Variants in ACOX3 observed in about 807,000 individuals in gnomAD.
The protein encoded by ACOX3 is acyl-CoA oxidase 3, pristanoyl.
A neutral mutation model predicts 81.5 loss-of-function variants in ACOX3; 73 were observed. The ratio of observed to expected loss-of-function variants is 0.90; its 90% CI spans 0.74 to 1.09. ACOX3 has a LOEUF of 1.09. Among genes scored for constraint, ACOX3 ranks in the 50% least tolerant of loss-of-function variants. The pLI, the probability that ACOX3 is intolerant of heterozygous loss-of-function variation, is 0.00. For missense variants in ACOX3, 947 were observed against 928.0 expected, an observed-to-expected ratio of 1.02 and a Z score of -0.27; for synonymous variants, 387 against 375.1, an observed-to-expected ratio of 1.03 and a Z score of -0.37.
chr4:8,440,714 A>G lies in ACOX3; in HGVS notation c.-81T>C, dbSNP rs1042434906. The G allele has an allele frequency of 7.7e-7, 1 of 1,306,690 alleles. No homozygotes were observed. The allele number at this position is 1,306,690 out of a possible 1,614,324, so 80.9% of individuals were successfully genotyped here. On this transcript the variant is annotated 5_prime_UTR_variant, in exon 1 of 18. The change abolishes an upstream ATG in the 5' untranslated region. Coordinates refer to ENST00000356406, the MANE Select transcript of ACOX3 (RefSeq NM_003501.3). ...GCAGGAAAGGATCTCCAGCGGCGCC[A>G]TTCTCATTTCCGGTCCCAGCACCCC...
At chr4:8,372,943 G>A (rs943271425) in intron 16 of ACOX3, among the ~76,000 whole-genome samples, 1 of 152,204 alleles carries the variant, frequency 6.6e-6, no homozygotes, top group Admixed American at 6.5e-5. Context: ...CACTCACACA[G>A]CCGCCTTCCC....
At chr4:8,422,072 C>T (rs574207966) in intron 1 of ACOX3, among the ~76,000 whole-genome samples, 2 of 151,820 alleles carry the variant, frequency 1.3e-5, no homozygotes, top group South Asian at 2.1e-4. Flanking sequence ...ATGGGGGCAA[C>T]GAGCGAACAT....
At chr4:8,364,490 CGTCGTGTCTG>C, downstream of ACOX3, among the ~76,000 whole-genome samples, 2 of 93,866 alleles carry the variant, frequency 2.1e-5, no homozygotes, top group Admixed American at 9.5e-5. This position sits in a 1 kb window ranked among gnomAD's most constrained non-coding sequence, Gnocchi z 5.0. Context: ...CATGAGAACC[CGTCGTGTCTG>C]ACATGGTGAC....
At chr4:8,378,100 T>C (rs1288051596) in intron 14 of ACOX3, among the ~76,000 whole-genome samples, 1 of 152,100 alleles carries the variant, frequency 6.6e-6, no homozygotes, top group Non-Finnish European at 1.5e-5. Flanking sequence ...CCGTAAACCT[T>C]CAGCACAGGA....
intron 1 of ACOX3, among the ~76,000 whole-genome samples, chr4:8,434,446 C>T (rs1724113626): frequency 6.6e-6 from 1 of 152,266 alleles, no homozygotes; most frequent in African/African-American, 2.4e-5. Context: ...CCTTAGGCAG[C>T]TTATGCCTGC....
chr4:8,409,619 G>C (rs1045670539), intron 6 of ACOX3, among the ~76,000 whole-genome samples: 1 of 141,092 alleles, frequency 7.1e-6, no homozygotes, highest in Non-Finnish European at 1.6e-5. Flanking sequence ...CTGTGGGTGG[G>C]GCTGTCTGTG....
At chr4:8,396,305 C>A (rs1719680201) in intron 9 of ACOX3, among the ~76,000 whole-genome samples, 1 of 152,178 alleles carries the variant, frequency 6.6e-6, no homozygotes, top group African/African-American at 2.4e-5. Flanking sequence ...GCGTGCAAGG[C>A]CACTACCCGC....
intron 14 of ACOX3, among the ~76,000 whole-genome samples, chr4:8,378,817 A>G (rs1029382648): frequency 1.1e-4 from 16 of 152,348 alleles, no homozygotes; most frequent in African/African-American, 3.8e-4. Flanking sequence ...TTTAAAAGTT[A>G]ATAGATTTTC....
At chr4:8,360,404 T>C in the ACOX3 span, among the ~76,000 whole-genome samples, 5 of 152,068 alleles carry the variant, frequency 3.3e-5, no homozygotes, top group African/African-American at 1.2e-4. Context: ...TGTAAACATT[T>C]GGTCTAAATT....
At chr4:8,373,496 A>G (rs867179362) in intron 16 of ACOX3, 65 bp downstream of exon 16, 9 of 1,521,128 alleles carry the variant, frequency 5.9e-6, no homozygotes, top group Middle Eastern at 1.8e-4. Context: ...TGCTAAGGGG[A>G]TGCGTGTCGC....
rs1240523649 is a variant in ACOX3 at position 8,394,776 on chromosome 4, G to C, written c.1057-34C>G. On this transcript the variant is annotated intron_variant, in intron 9 of 17. Transcript: ENST00000356406. The surrounding 1 kb of genome is among the most constrained non-coding windows in gnomAD (Gnocchi z 5.9). ...GACAAGACACCTGCGTGAACACATC[G>C]TGGTTCCCATGAAGGGCAGCCCATC... The C allele has an allele frequency of 1.9e-6, 3 of 1,598,036 alleles. No individual in the cohort carries two copies. Among genetic ancestry groups the C allele is most frequent in the Non-Finnish European group, 2.6e-6 (3 of 1,169,618 alleles).
rs950959883 is a variant in ACOX3 at position 8,370,768 on chromosome 4, C to A, written c.1983+140G>T. 1 of 703,806 alleles carries A rather than the reference C, an allele frequency of 1.4e-6. No individual in the cohort carries two copies. The highest frequency in any genetic ancestry group is 2.4e-5 in the Admixed American group (1 of 41,538). 43.6% of individuals were successfully genotyped at this position (703,806 alleles called of 1,614,324 possible). A position where few individuals can be genotyped will look rare whatever the true frequency, so the allele number is the denominator to read the frequency against. On this transcript the variant is annotated intron_variant, in intron 17 of 17. Coordinates refer to ENST00000356406, the MANE Select transcript of ACOX3 (RefSeq NM_003501.3). This position sits in a 1 kb window ranked among gnomAD's most constrained non-coding sequence, Gnocchi z 6.3. ...AGAGTGAGACAGTCCTGACTTGTCCCGGGCCCTCCCCAAGAAGCTCCTCCA... is the reference window on the plus strand; with the variant it reads ...AGAGTGAGACAGTCCTGACTTGTCCAGGGCCCTCCCCAAGAAGCTCCTCCA...
Position 8,366,930 on chromosome 4 carries a change from A to G in ACOX3, c.*31T>C. ...ACGTCTGATTAGTTCCCTTCGTTTC[A>G]TTAGACTTGGCTGAATGTGTGCCAG... On this transcript the variant is annotated 3_prime_UTR_variant, in exon 18 of 18. Coordinates refer to ENST00000356406, the MANE Select transcript of ACOX3 (RefSeq NM_003501.3). 1 of 1,611,882 alleles carries G rather than the reference A, an allele frequency of 6.2e-7. No individual in the cohort carries two copies. Among genetic ancestry groups the G allele is most frequent in the Non-Finnish European group, 8.5e-7 (1 of 1,178,542 alleles).
At chr4:8,408,182 T>C (rs1258572266) in intron 6 of ACOX3, among the ~76,000 whole-genome samples, 1 of 148,676 alleles carries the variant, frequency 6.7e-6, no homozygotes, top group Non-Finnish European at 1.5e-5. Context: ...CAAAAAGGGC[T>C]AAAACCCAAA....
chr4:8,416,339 T>C lies in ACOX3; in HGVS notation c.144+39A>G. 6.2e-7 allele frequency: 1 copy of C among 1,613,572 alleles called. No homozygotes were observed. Among genetic ancestry groups the C allele is most frequent in the Non-Finnish European group, 8.5e-7 (1 of 1,179,940 alleles). ...TTCTGCTAACGAACTAAGACCCCACTGGGAAAAAAGACAAGCTGCGCACAA... is the reference window on the plus strand; with the variant it reads ...TTCTGCTAACGAACTAAGACCCCACCGGGAAAAAAGACAAGCTGCGCACAA... On this transcript the variant is annotated intron_variant, in intron 2 of 17. Transcript: ENST00000356406. This position sits in a 1 kb window ranked among gnomAD's most constrained non-coding sequence, Gnocchi z 4.2.
the ACOX3 span, chr4:8,357,027 G>A: frequency 7.0e-5 from 31 of 441,784 alleles, no homozygotes; most frequent in East Asian, 1.2e-3. Context: ...GCATGCTAAC[G>A]TGATCCCGGC....
At position 8,420,627 on chromosome 4, in the gene ACOX3, A is replaced by G. The variant is rs186896631; in HGVS notation, c.-14-4092T>C. On this transcript the variant is annotated intron_variant, in intron 1 of 17. Coordinates refer to ENST00000356406, the MANE Select transcript of ACOX3 (RefSeq NM_003501.3). ...CCAGGCATTCGAGCCAGATCAGGCA[A>G]CGCCCTTTGGGTACCCCCCCGTTGA... Among the ~76,000 whole-genome samples, 86 of 152,326 alleles carry G rather than the reference A, an allele frequency of 5.6e-4. 1 individual carries two copies. The East Asian group carries it at 0.011, about 19-fold the overall frequency.
At chr4:8,372,572 C>T (rs1364660468) in intron 16 of ACOX3, among the ~76,000 whole-genome samples, 6 of 152,136 alleles carry the variant, frequency 3.9e-5, no homozygotes, top group South Asian at 2.1e-4. Context: ...GTGGCCAGTT[C>T]GATGTTAAGA....
At chr4:8,377,100 T>C (rs796593401) in intron 14 of ACOX3, among the ~76,000 whole-genome samples, 4 of 152,122 alleles carry the variant, frequency 2.6e-5, no homozygotes, top group African/African-American at 7.2e-5. Flanking sequence ...GATAATTCCA[T>C]TGAATCCTGC....
Sources: allele counts gnomAD v4.1 joint callset (sites outside exome capture counted in the v4.1 genomes callset), GRCh38; gene constraint gnomAD v4.1.1; non-coding constraint Gnocchi (gnomAD v3.1); transcripts MANE v1.5; gene names NCBI Gene and HGNC (gene_info 2026-07-23, HGNC 2026-07-21).